The following PCDHGB4 variants were observed in gnomAD, a reference collection of about 807,000 sequenced individuals.
The protein encoded by PCDHGB4 is protocadherin gamma subfamily B, 4.
In PCDHGB4, 38 loss-of-function variants were observed where a neutral mutation model predicts 60.5. The ratio of observed to expected loss-of-function variants is 0.63; its 90% CI spans 0.48 to 0.82. The LOEUF (loss-of-function observed/expected upper bound fraction) is 0.82, where lower values mean the gene tolerates loss of function less well. Among genes scored for constraint, PCDHGB4 ranks in the 40% least tolerant of loss-of-function variants. PCDHGB4 has a pLI of 0.00. For missense variants in PCDHGB4, 1,109 were observed against 1,209.6 expected (o/e 0.92, Z 1.23); for synonymous variants, 456 against 509.7 (o/e 0.89, Z 1.42).
intron 1 of PCDHGB4, chr5:141,392,685 A>C: frequency 8.3e-6 from 9 of 1,078,992 alleles, no homozygotes; most frequent in Non-Finnish European, 1.2e-5. Context: ...ACTGCAGCGA[A>C]ACCCGACCCC....
chr5:141,468,981 A>G (rs1209945826), intron 1 of PCDHGB4, among the ~76,000 whole-genome samples: 4 of 151,852 alleles, frequency 2.6e-5, no homozygotes, highest in East Asian at 1.9e-4. Context: ...TTTGACTTCC[A>G]AAATTATTGT....
chr5:141,443,254 G>A (rs185181143), intron 1 of PCDHGB4, among the ~76,000 whole-genome samples: 30 of 152,006 alleles, frequency 2.0e-4, no homozygotes, highest in Admixed American at 1.6e-3. Context: ...GCCAAGGCGG[G>A]TGGATCACTT....
At chr5:141,408,677 G>A (rs2095149334) in intron 1 of PCDHGB4, 1 of 1,613,898 alleles carries the variant, frequency 6.2e-7, no homozygotes. Flanking sequence ...CCCTGCCACG[G>A]ATCCTGATAT....
chr5:141,396,477 A>C (rs920260792), intron 1 of PCDHGB4: 1 of 152,040 alleles, frequency 6.6e-6, no homozygotes, highest in Non-Finnish European at 1.5e-5. Context: ...AAAATTAGCC[A>C]GGCATGGTGG....
chr5:141,403,362 G>A lies in PCDHGB4; in HGVS notation c.2397+13081G>A, dbSNP rs200979571. 157 of 1,613,944 alleles carry A rather than the reference G, an allele frequency of 9.7e-5. No homozygotes were observed. Among genetic ancestry groups the A allele is most frequent in the Admixed American group, 4.3e-4 (26 of 60,012 alleles). On this transcript the variant is annotated intron_variant, in intron 1 of 3. Transcript: ENST00000519479. ...AGCGCCCCAAAGTTCCAGGCCGAAA[G>A]TCTGGAAGTAAAAATTAACGAAATC... is the stretch of plus-strand genomic sequence containing the variant.
At chr5:141,404,100 T>G in intron 1 of PCDHGB4, 1 of 1,613,618 alleles carries the variant, frequency 6.2e-7, no homozygotes, top group African/African-American at 1.3e-5. Context: ...GGTCAAGTTG[T>G]CTGTTCTATC....
intron 1 of PCDHGB4, among the ~76,000 whole-genome samples, chr5:141,474,243 G>GA (rs1161758975): frequency 2.6e-5 from 4 of 152,050 alleles, no homozygotes; most frequent in Admixed American, 1.3e-4. Context: ...CTGAATAGGG[G>GA]AAAAAAAGAC....
chr5:141,508,971 T>C (rs776443205), intron 3 of PCDHGB4, among the ~76,000 whole-genome samples: 14 of 152,004 alleles, frequency 9.2e-5, no homozygotes, highest in Non-Finnish European at 2.1e-4. Context: ...ATGAAAGGGC[T>C]GGGGGTGGGG....
At chr5:141,446,061 AG>A (rs903957950) in intron 1 of PCDHGB4, among the ~76,000 whole-genome samples, 3 of 152,226 alleles carry the variant, frequency 2.0e-5, no homozygotes, top group African/African-American at 7.2e-5. Context: ...CTTGGATTAA[AG>A]GGGAGGCAGT....
intron 1 of PCDHGB4, chr5:141,420,357 C>A: frequency 7.3e-7 from 1 of 1,376,278 alleles, no homozygotes; most frequent in East Asian, 2.6e-5. Flanking sequence ...TTTTAAGATT[C>A]TAGATAACTT....
At chr5:141,395,251 T>G (rs2093205315) in intron 1 of PCDHGB4, 2 of 1,557,062 alleles carry the variant, frequency 1.3e-6, no homozygotes, top group Non-Finnish European at 1.7e-6. Context: ...AGTTTAGTTC[T>G]TTGCTTGCTT....
chr5:141,420,301 CT>C, intron 1 of PCDHGB4: 1 of 1,462,308 alleles, frequency 6.8e-7, no homozygotes, highest in Non-Finnish European at 9.2e-7. Flanking sequence ...GTATTTAATC[CT>C]TTTTATATTA....
chr5:141,486,371 G>T lies in PCDHGB4; in HGVS notation c.2398-8436G>T. 1.9e-6 allele frequency: 3 copies of T among 1,614,138 alleles called. No homozygotes were observed. The highest frequency in any genetic ancestry group is 2.5e-6 in the Non-Finnish European group (3 of 1,180,010). On this transcript the variant is annotated intron_variant, in intron 1 of 3. Coordinates refer to ENST00000519479, the MANE Select transcript of PCDHGB4 (RefSeq NM_003736.4). The surrounding 1 kb of genome is among the most constrained non-coding windows in gnomAD (Gnocchi z 5.0). ...CCACTTGCCATTTGCCCTCAAGTCT[G>T]CCTTCAGGAACCAGTTCTCCCTGGT...
chr5:141,408,021 A>C (rs2095027284), intron 1 of PCDHGB4: 1 of 1,036,444 alleles, frequency 9.6e-7, no homozygotes, highest in Non-Finnish European at 1.3e-6. Context: ...AGCCAACAAC[A>C]GAAAGAAGAA....
intron 1 of PCDHGB4, chr5:141,394,523 C>T (rs373702756): frequency 5.0e-6 from 8 of 1,614,234 alleles, no homozygotes; most frequent in Non-Finnish European, 6.8e-6. Context: ...TCCCCACAGA[C>T]GGTTCCACTG....
At chr5:141,410,516 C>T in intron 1 of PCDHGB4, 2 of 1,613,910 alleles carry the variant, frequency 1.2e-6, no homozygotes, top group Middle Eastern at 1.6e-4. Context: ...ATGCAGTGTG[C>T]CCCTACATTC....
At chr5:141,421,141 G>A (rs7732160) in intron 1 of PCDHGB4, 49,996 of 938,386 alleles carry the variant, frequency 0.053, 1,680 homozygotes, top group African/African-American at 0.14. Flanking sequence ...TATTTTGGAT[G>A]TAGTCGGCCT....
chr5:141,403,773 A>T, intron 1 of PCDHGB4: 1 of 1,613,956 alleles, frequency 6.2e-7, no homozygotes, highest in South Asian at 1.1e-5. Context: ...GAGGGAATCA[A>T]CGGAAAAGTG....
intron 1 of PCDHGB4, among the ~76,000 whole-genome samples, chr5:141,425,159 G>C (rs557552439): frequency 6.6e-6 from 1 of 152,126 alleles, no homozygotes; most frequent in South Asian, 2.1e-4. Context: ...AGCATCTAGG[G>C]ATAGGATTTA....
Sources: allele counts gnomAD v4.1 joint callset (sites outside exome capture counted in the v4.1 genomes callset), GRCh38; gene constraint gnomAD v4.1.1; non-coding constraint Gnocchi (gnomAD v3.1); transcripts MANE v1.5; gene names NCBI Gene and HGNC (gene_info 2026-07-23, HGNC 2026-07-21).